SLC35F1: variants seen among roughly 807,000 people sequenced by gnomAD.
SLC35F1 encodes the protein solute carrier family 35 member F1.
In SLC35F1, 14 loss-of-function variants were observed where a neutral mutation model predicts 48.7. The observed-to-expected ratio is 0.29, with a 90% CI of 0.19 to 0.45. The LOEUF (loss-of-function observed/expected upper bound fraction) is 0.45, where lower values mean the gene tolerates loss of function less well. Ranked by LOEUF, SLC35F1 falls within the 20% of genes least tolerant of loss-of-function variation. The pLI, the probability that SLC35F1 is intolerant of heterozygous loss-of-function variation, is 1.00. For synonymous variants in SLC35F1, 190 were observed against 202.2 expected (o/e 0.94, Z 0.51); for missense variants, 404 against 500.0 (o/e 0.81, Z 1.83).
At chr6:118,274,775 T>C (rs1309882353) in intron 4 of SLC35F1, among the ~76,000 whole-genome samples, 2 of 152,256 alleles carry the variant, frequency 1.3e-5, no homozygotes, top group Non-Finnish European at 2.9e-5. Context: ...ATTTACACTC[T>C]TATGTTACTT....
chr6:118,142,008 T>C (rs1573714), intron 1 of SLC35F1, among the ~76,000 whole-genome samples: 35,508 of 152,156 alleles, frequency 0.23, 4,612 homozygotes, highest in East Asian at 0.39. Context: ...TTTAGTTTTA[T>C]CCTTGGCAGT....
intron 7 of SLC35F1, among the ~76,000 whole-genome samples, chr6:118,309,316 C>T (rs767247661): frequency 1.3e-5 from 2 of 151,966 alleles, no homozygotes; most frequent in African/African-American, 2.4e-5. Context: ...GCTAGGACTA[C>T]AGGCATGCAT....
At chr6:117,925,542 A>G (rs1411434011) in intron 1 of SLC35F1, among the ~76,000 whole-genome samples, 1 of 152,160 alleles carries the variant, frequency 6.6e-6, no homozygotes, top group African/African-American at 2.4e-5. Context: ...GGGATAATTA[A>G]TATTCTCTTT....
chr6:118,310,905 T>C (rs1266988243), intron 7 of SLC35F1, among the ~76,000 whole-genome samples: 2 of 152,188 alleles, frequency 1.3e-5, no homozygotes, highest in African/African-American at 4.8e-5. Context: ...GGGCATTAGA[T>C]TTACAAAATT....
chr6:118,026,342 A>G (rs560506658), intron 1 of SLC35F1, among the ~76,000 whole-genome samples: 1 of 152,350 alleles, frequency 6.6e-6, no homozygotes, highest in East Asian at 1.9e-4. Flanking sequence ...CAGGTGGTTC[A>G]GTTTGACTGG....
chr6:118,309,670 A>G (rs1266218033), intron 7 of SLC35F1, among the ~76,000 whole-genome samples: 2 of 152,242 alleles, frequency 1.3e-5, no homozygotes, highest in Non-Finnish European at 2.9e-5. Context: ...TTCTACTTGT[A>G]TAGATTTAAG....
chr6:118,007,960 T>C (rs1014069731), intron 1 of SLC35F1, among the ~76,000 whole-genome samples: 1 of 152,184 alleles, frequency 6.6e-6, no homozygotes, highest in African/African-American at 2.4e-5. Context: ...TTTTTCTTGC[T>C]AGCTGTTGGC....
At chr6:118,041,746 A>G (rs1173667620) in intron 1 of SLC35F1, among the ~76,000 whole-genome samples, 1 of 152,146 alleles carries the variant, frequency 6.6e-6, no homozygotes, top group Non-Finnish European at 1.5e-5. Flanking sequence ...TCAGCAATGG[A>G]AAAACGCCCT....
At chr6:118,085,916 G>A (rs1204387700) in intron 1 of SLC35F1, among the ~76,000 whole-genome samples, 1 of 152,012 alleles carries the variant, frequency 6.6e-6, no homozygotes, top group Non-Finnish European at 1.5e-5. Flanking sequence ...GTTCTATGCT[G>A]ACTTCTGATG....
intron 7 of SLC35F1, among the ~76,000 whole-genome samples, chr6:118,311,501 C>T (rs144941001): frequency 0.012 from 1,826 of 152,242 alleles, 17 homozygotes; most frequent in Non-Finnish European, 0.018. Flanking sequence ...TGAAAAAAGA[C>T]AATTTAGGCC....
At chr6:118,187,534 T>C (rs1582719344) in intron 2 of SLC35F1, among the ~76,000 whole-genome samples, 1 of 152,192 alleles carries the variant, frequency 6.6e-6, no homozygotes, top group Non-Finnish European at 1.5e-5. Flanking sequence ...CTCTGTTTTT[T>C]CCTTGACAGC....
intron 2 of SLC35F1, among the ~76,000 whole-genome samples, chr6:118,231,326 A>T (rs1775290434): frequency 6.6e-6 from 1 of 152,168 alleles, no homozygotes; most frequent in African/African-American, 2.4e-5. Context: ...GGTGGGGTGG[A>T]TTTCAAAACA....
intron 1 of SLC35F1, among the ~76,000 whole-genome samples, chr6:117,926,734 T>C (rs1776033749): frequency 6.6e-6 from 1 of 152,072 alleles, no homozygotes; most frequent in Non-Finnish European, 1.5e-5. Context: ...TGCAGGGCTT[T>C]GGAGTTAAGT....
chr6:118,227,045 C>T (rs1411028322), intron 2 of SLC35F1, among the ~76,000 whole-genome samples: 1 of 152,144 alleles, frequency 6.6e-6, no homozygotes, highest in Non-Finnish European at 1.5e-5. Flanking sequence ...GTGGAATAAC[C>T]TGGGTGACAG....
At chr6:118,233,620 G>A (rs936390240) in intron 2 of SLC35F1, among the ~76,000 whole-genome samples, 1 of 152,102 alleles carries the variant, frequency 6.6e-6, no homozygotes, top group African/African-American at 2.4e-5. Flanking sequence ...AGAGGCTATG[G>A]ATAAGTATAT....
chr6:117,985,077 T>C (rs1776831645), intron 1 of SLC35F1, among the ~76,000 whole-genome samples: 1 of 152,246 alleles, frequency 6.6e-6, no homozygotes, highest in Non-Finnish European at 1.5e-5. Flanking sequence ...TAAAACTTCC[T>C]TAATTGAATC....
chr6:118,266,453 A>G (rs1439236793), intron 3 of SLC35F1, among the ~76,000 whole-genome samples: 1 of 152,160 alleles, frequency 6.6e-6, no homozygotes, highest in Non-Finnish European at 1.5e-5. Context: ...TTTTATTTTA[A>G]GAATGAAATG....
intron 1 of SLC35F1, among the ~76,000 whole-genome samples, chr6:117,983,678 C>T (rs1303048438): frequency 6.6e-6 from 1 of 152,302 alleles, no homozygotes; most frequent in Middle Eastern, 3.4e-3. Context: ...CAGAACTTTC[C>T]TCATTCTGAC....
At chr6:118,249,167 A>G (rs1165141338) in intron 3 of SLC35F1, among the ~76,000 whole-genome samples, 4 of 152,198 alleles carry the variant, frequency 2.6e-5, no homozygotes, top group Non-Finnish European at 4.4e-5. Context: ...AGCAGCCTTA[A>G]TAGACTGAGG....
Sources: allele counts gnomAD v4.1 joint callset (sites outside exome capture counted in the v4.1 genomes callset), GRCh38; gene constraint gnomAD v4.1.1; transcripts MANE v1.5; gene names NCBI Gene and HGNC (gene_info 2026-07-23, HGNC 2026-07-21).